The following KMO variants were observed in gnomAD, a reference collection of about 807,000 sequenced individuals.
KMO encodes kynurenine 3-hydroxylase.
In KMO, 24 loss-of-function variants were observed where a neutral mutation model predicts 57.8. The ratio of observed to expected loss-of-function variants is 0.42; its 90% CI spans 0.30 to 0.58. The LOEUF (loss-of-function observed/expected upper bound fraction) is 0.58. Among genes scored for constraint, KMO ranks in the 20% least tolerant of loss-of-function variants. The pLI is 0.22. For missense variants in KMO, 483 were observed against 588.2 expected (o/e 0.82, Z 1.85); for synonymous variants, 210 against 193.6 (o/e 1.08, Z -0.70).
chr1:241,585,257 A>T (rs1662926870), intron 10 of KMO, among the ~76,000 whole-genome samples: 1 of 151,866 alleles, frequency 6.6e-6, no homozygotes, highest in African/African-American at 2.4e-5. Flanking sequence ...ATTAAATTAA[A>T]TTAAATTGGA....
intron 10 of KMO, among the ~76,000 whole-genome samples, 158 bp downstream of exon 10, chr1:241,568,805 T>G (rs1246357036): frequency 6.6e-6 from 1 of 152,144 alleles, no homozygotes; most frequent in Non-Finnish European, 1.5e-5. Context: ...GATTGATCAC[T>G]CTAATCAGAA....
chr1:241,576,024 CT>C (rs34772001), intron 10 of KMO, among the ~76,000 whole-genome samples: 6,381 of 143,082 alleles, frequency 0.045, 320 homozygotes, highest in African/African-American at 0.13. Context: ...CCTTCTTTGT[CT>C]TTTTTTTTTT....
intron 2 of KMO, among the ~76,000 whole-genome samples, chr1:241,549,297 AGC>A (rs1456792881): frequency 1.5e-3 from 185 of 126,608 alleles, no homozygotes; most frequent in African/African-American, 5.0e-3. Context: ...AAGGAGAAAG[AGC>A]AAGAAAGAAA....
chr1:241,590,190 A>T lies in KMO; in HGVS notation c.1201-14A>T. On this transcript the variant is annotated splice_polypyrimidine_tract_variant and intron_variant, in intron 13 of 14. Transcript: ENST00000366559. The stretch of plus-strand genomic sequence containing the variant: ...TAAAGAATACACAAGAATACTTTTT[A>T]AACTTCCCTGCAGGTCACTTTTTCC... 6.2e-7 allele frequency: 1 copy of T among 1,612,506 alleles called. No homozygotes were observed. Among genetic ancestry groups the T allele is most frequent in the Non-Finnish European group, 8.5e-7 (1 of 1,179,126 alleles).
intron 2 of KMO, among the ~76,000 whole-genome samples, chr1:241,549,134 G>A (rs560181334): frequency 6.6e-6 from 1 of 150,996 alleles, no homozygotes; most frequent in Non-Finnish European, 1.5e-5. Context: ...ATGCCACTGT[G>A]CTCCAGCCTG....
rs1202482263 is a variant in KMO, at chr1:241,562,299, C to T, written c.582C>T (p.Tyr194=). The change falls in exon 7 of 15, where the codon TAC becomes TAT. Residue 194 remains tyrosine (Y), a synonymous_variant. Transcript: ENST00000366559. Reference sequence around the variant, plus strand: ...GTCAGCAGTACATTCCTCATGGGTACATGGAGTTGACTATTCCACCTAAGA... The same window carrying T: ...GTCAGCAGTACATTCCTCATGGGTATATGGAGTTGACTATTCCACCTAAGA... The part of the protein sequence containing the change: ...DYSQQYIPHG[Y]MELTIPPKNG... The T allele has an allele frequency of 3.7e-6, 6 of 1,614,114 alleles. No homozygotes were observed. Among genetic ancestry groups the T allele is most frequent in the Admixed American group, 1.7e-5 (1 of 60,020 alleles).
chr1:241,545,147 C>G (rs1312383716), intron 1 of KMO, among the ~76,000 whole-genome samples: 1 of 152,104 alleles, frequency 6.6e-6, no homozygotes, highest in African/African-American at 2.4e-5. Flanking sequence ...TATTTATACA[C>G]TGAACAAATA....
At chr1:241,563,015 T>C (rs1661935078) in intron 7 of KMO, among the ~76,000 whole-genome samples, 1 of 152,150 alleles carries the variant, frequency 6.6e-6, no homozygotes, top group Admixed American at 6.5e-5. Context: ...TTAAATAATA[T>C]CGTTTGTCTA....
chr1:241,560,467 A>G (rs1334649027), intron 5 of KMO, among the ~76,000 whole-genome samples, 198 bp from the exon 6 acceptor site: 1 of 152,198 alleles, frequency 6.6e-6, no homozygotes, highest in Non-Finnish European at 1.5e-5. Context: ...ATTTTTATTC[A>G]TCTGTTTTAC....
At chr1:241,589,694 A>G (rs1342552484) in intron 12 of KMO, among the ~76,000 whole-genome samples, 2 of 152,234 alleles carry the variant, frequency 1.3e-5, no homozygotes, top group African/African-American at 4.8e-5. Context: ...ACAGAAAATT[A>G]GACAAATCTT....
Position 241,579,153 on chromosome 1 carries a change from A to G in KMO, c.958-7526A>G, listed in dbSNP as rs116365383. On this transcript the variant is annotated intron_variant, in intron 10 of 14. Transcript: ENST00000366559. ...CACAAATTTTCTCCTTCCTGAGTGC[A>G]GGTTATTCTACCTGCAGATGCTGTC... Among the ~76,000 whole-genome samples the G allele has an allele frequency of 5.5e-3, 843 of 152,184 alleles. 7 individuals are homozygous for G. Among genetic ancestry groups the G allele is most frequent in the African/African-American group, 0.019 (783 of 41,534 alleles).
At chr1:241,570,685 G>A (rs1467127190) in intron 10 of KMO, among the ~76,000 whole-genome samples, 1 of 152,082 alleles carries the variant, frequency 6.6e-6, no homozygotes, top group African/African-American at 2.4e-5. Context: ...GGTTACTTTA[G>A]TTTTGTAGTA....
intron 1 of KMO, among the ~76,000 whole-genome samples, chr1:241,548,585 T>TA (rs34302807): frequency 0.3 from 43,081 of 142,606 alleles, 6,472 homozygotes; most frequent in African/African-American, 0.41. Context: ...TATAAAAAAG[T>TA]AAAAAAAAAA....
In KMO at chr1:241,539,383, C is replaced by CAAAA. The variant is rs769776691; in HGVS notation, c.54+6889_54+6892dup. 9.6e-4 allele frequency among the ~76,000 whole-genome samples: 130 copies of CAAAA among 134,930 alleles called. 7 individuals carry two copies. Among genetic ancestry groups the CAAAA allele is most frequent in the African/African-American group, 3.5e-3 (115 of 32,904 alleles). 88.5% of individuals were successfully genotyped at this position (134,930 alleles called of 152,430 possible). A position where few individuals can be genotyped will look rare whatever the true frequency, so the allele number is the denominator to read the frequency against. On this transcript the variant is annotated intron_variant, in intron 1 of 14. Coordinates refer to ENST00000366559, the MANE Select transcript of KMO (RefSeq NM_003679.5). ...TGGGCAACGGAGTGAGACTCCGTCT[C>CAAAA]AAAAAAATTCCAGAAAGCAGCAATA... is the stretch of plus-strand genomic sequence containing the variant.
intron 10 of KMO, among the ~76,000 whole-genome samples, chr1:241,581,917 A>G (rs2147979068): frequency 6.6e-6 from 1 of 152,182 alleles, no homozygotes; most frequent in Non-Finnish European, 1.5e-5. Context: ...TTTCTTTCAT[A>G]TTGAAGATCT....
chr1:241,588,114 G>T (rs1336989346), intron 11 of KMO, among the ~76,000 whole-genome samples: 4 of 151,766 alleles, frequency 2.6e-5, no homozygotes, highest in African/African-American at 9.7e-5. Flanking sequence ...TAAAGCCTCC[G>T]TTCTTTTTCA....
chr1:241,594,737 A>C lies in KMO; in HGVS notation c.*2584A>C, dbSNP rs770877567. ...GTGGAATATTAAGTAAAAGTTGGGC[A>C]CTAATCTGGATTAACATTCGAGGAA... On this transcript the variant is annotated 3_prime_UTR_variant, in exon 15 of 15. Coordinates refer to ENST00000366559, the MANE Select transcript of KMO (RefSeq NM_003679.5). 5.0e-6 allele frequency: 8 copies of C among 1,586,972 alleles called. No homozygotes were observed. Among genetic ancestry groups the C allele is most frequent in the Non-Finnish European group, 6.9e-6 (8 of 1,167,000 alleles).
At chr1:241,562,378 A>G (rs765623403) in intron 7 of KMO, 46 bp downstream of exon 7, 1 of 1,573,324 alleles carries the variant, frequency 6.4e-7, no homozygotes, top group South Asian at 1.1e-5. Flanking sequence ...CCCTTGCTCC[A>G]TGAGCGCGAA....
chr1:241,538,457 T>A (rs749131420), intron 1 of KMO, among the ~76,000 whole-genome samples: 2 of 152,196 alleles, frequency 1.3e-5, no homozygotes, highest in Non-Finnish European at 2.9e-5. Flanking sequence ...ACTATTACCA[T>A]AGTGACATAC....
Sources: gnomAD v4.1 joint callset for allele counts (sites outside exome capture counted in the v4.1 genomes callset) on GRCh38, gnomAD v4.1.1 for gene constraint, MANE v1.5 for transcripts, NCBI Gene and HGNC (gene_info 2026-07-23, HGNC 2026-07-21) for gene names.